The following SYT17 variants were observed in gnomAD, a reference collection of about 807,000 sequenced individuals.
SYT17 encodes the protein synaptotagmin-17.
A neutral mutation model predicts 46.7 loss-of-function variants in SYT17; 22 were observed. That is an observed-to-expected ratio of 0.47 (90% CI 0.34 to 0.67). The LOEUF (loss-of-function observed/expected upper bound fraction) is 0.67, where lower values mean the gene tolerates loss of function less well. Among genes scored for constraint, SYT17 ranks in the 30% least tolerant of loss-of-function variants. The probability of loss-of-function intolerance (pLI) is 0.01; values close to 1 mark genes in which losing one functional copy is unlikely to be tolerated. For synonymous variants in SYT17, 251 were observed against 248.4 expected, an observed-to-expected ratio of 1.01 and a Z score of -0.10; for missense variants, 519 against 612.8, an observed-to-expected ratio of 0.85 and a Z score of 1.62.
At chr16:19,233,965 TAGAG>T (rs1966795005) in intron 7 of SYT17, among the ~76,000 whole-genome samples, 1 of 152,162 alleles carries the variant, frequency 6.6e-6, no homozygotes, top group African/African-American at 2.4e-5. Flanking sequence ...CTCTGCCTAA[TAGAG>T]AGAAGGTTGC....
In SYT17 at chr16:19,234,018, T is replaced by C. The variant is rs140044974; in HGVS notation, c.1228+9180T>C. ...GTATGGATTGGAGTGAGCTACAGTT[T>C]GGTTCAAATTTCACCTTTTGGCCAT... is the stretch of plus-strand genomic sequence containing the variant. On this transcript the variant is annotated intron_variant, in intron 7 of 7. Coordinates refer to ENST00000355377, the MANE Select transcript of SYT17 (RefSeq NM_016524.4). Among the ~76,000 whole-genome samples the C allele has an allele frequency of 3.1e-3, 478 of 152,294 alleles. 5 individuals are homozygous for C. Among genetic ancestry groups the C allele is most frequent in the African/African-American group, 0.011 (443 of 41,558 alleles).
intron 5 of SYT17, among the ~76,000 whole-genome samples, chr16:19,208,028 T>G (rs879444568): frequency 7.2e-5 from 11 of 152,164 alleles, no homozygotes; most frequent in Non-Finnish European, 1.2e-4. Context: ...GAAATAAAGA[T>G]CTTTATGAGC....
At chr16:19,189,399 C>T (rs148812717) in intron 5 of SYT17, among the ~76,000 whole-genome samples, 3 of 144,158 alleles carry the variant, frequency 2.1e-5, no homozygotes, top group Non-Finnish European at 4.5e-5. Context: ...GGATTGCAGT[C>T]GTGTAATCAT....
At chr16:19,229,197 A>G (rs1966596501) in intron 7 of SYT17, among the ~76,000 whole-genome samples, 1 of 152,202 alleles carries the variant, frequency 6.6e-6, no homozygotes, top group African/African-American at 2.4e-5. Flanking sequence ...GAAGGAAAGA[A>G]AGCGTATTAG....
At position 19,183,593 on chromosome 16, in the gene SYT17, A is replaced by AATGG. The variant is rs750608086; in HGVS notation, c.397_398insATGG (p.Ser133AsnfsTer18). On this transcript the variant is annotated frameshift_variant, in exon 5 of 8. Coordinates refer to ENST00000355377, the MANE Select transcript of SYT17 (RefSeq NM_016524.4). LOFTEE classifies it high-confidence loss of function. The surrounding 1 kb of genome is among the most constrained non-coding windows in gnomAD (Gnocchi z 5.6). The stretch of plus-strand genomic sequence containing the variant: ...TAAACCCATCGAGTTTGGCGTTCTC[A>AATGG]GCGCCAAGAAGGAGCCCATCCAACC... 1.2e-6 allele frequency: 2 copies of AATGG among 1,614,160 alleles called. No individual in the cohort carries two copies. Among genetic ancestry groups the AATGG allele is most frequent in the Admixed American group, 3.3e-5 (2 of 60,012 alleles).
rs377415079 is a variant in SYT17 at position 19,173,420 on chromosome 16, A to G, written c.34-10A>G. ...CCCATCCCCCCGCCCACCTCCCCCA[A>G]TGGCCTCAGGGTTTTCTTTCTAGAA... is the stretch of plus-strand genomic sequence containing the variant. On this transcript the variant is annotated splice_polypyrimidine_tract_variant and intron_variant, in intron 2 of 7. Coordinates refer to ENST00000355377, the MANE Select transcript of SYT17 (RefSeq NM_016524.4). The G allele has an allele frequency of 1.9e-4, 144 of 740,080 alleles. No individual in the cohort carries two copies. Among genetic ancestry groups the G allele is most frequent in the African/African-American group, 1.1e-3 (38 of 35,450 alleles). 45.8% of individuals were successfully genotyped at this position (740,080 alleles called of 1,614,324 possible). A position where few individuals can be genotyped will look rare whatever the true frequency, so the allele number is the denominator to read the frequency against.
rs559555694 is a variant in SYT17 at position 19,246,592 on chromosome 16, G to A, written c.1229-20288G>A. ...TGTATGCACTAATATGTGTATATAC[G>A]TACACATATGTGTGTGCGTGGTATG... On this transcript the variant is annotated intron_variant, in intron 7 of 7. Coordinates refer to ENST00000355377, the MANE Select transcript of SYT17 (RefSeq NM_016524.4). Among the ~76,000 whole-genome samples the A allele has an allele frequency of 9.9e-5, 15 of 152,138 alleles. No individual in the cohort carries two copies. In the South Asian group the frequency reaches 1.9e-3, roughly 19 times the overall value.
chr16:19,223,477 C>T (rs899931158), intron 6 of SYT17, among the ~76,000 whole-genome samples: 2 of 152,190 alleles, frequency 1.3e-5, no homozygotes, highest in African/African-American at 4.8e-5. Flanking sequence ...AATCAATGAG[C>T]GTGGAGGACA....
At chr16:19,227,436 C>T (rs1966537353) in intron 7 of SYT17, among the ~76,000 whole-genome samples, 1 of 151,904 alleles carries the variant, frequency 6.6e-6, no homozygotes, top group African/African-American at 2.4e-5. Context: ...GTGCCTCAGC[C>T]TCCTCAGTAC....
At position 19,168,736 on chromosome 16, in the gene SYT17, G is replaced by C. The variant is rs1294808886; in HGVS notation, c.15+75G>C. On this transcript the variant is annotated intron_variant, in intron 1 of 7. Coordinates refer to ENST00000355377, the MANE Select transcript of SYT17 (RefSeq NM_016524.4). The surrounding 1 kb of genome is among the most constrained non-coding windows in gnomAD (Gnocchi z 6.9). ...CGCCCCCTCCGGCTGGGAGCGCGCG[G>C]AAGGGAGGGCCCACGGCTAGGCTCC... 1 of 1,414,668 alleles carries C rather than the reference G, an allele frequency of 7.1e-7. No individual in the cohort carries two copies. Among genetic ancestry groups the C allele is most frequent in the Non-Finnish European group, 9.3e-7 (1 of 1,077,306 alleles). The allele number at this position is 1,414,668 out of a possible 1,614,324, so 87.6% of individuals were successfully genotyped here. A position where few individuals can be genotyped will look rare whatever the true frequency, so the allele number is the denominator to read the frequency against.
chr16:19,215,326 A>T lies in SYT17; in HGVS notation c.952-7719A>T, dbSNP rs74011544. Among the ~76,000 whole-genome samples, 611 of 152,342 alleles carry T rather than the reference A, an allele frequency of 4.0e-3. 6 individuals are homozygous for T. The highest frequency in any genetic ancestry group is 0.014 in the African/African-American group (587 of 41,576). On this transcript the variant is annotated intron_variant, in intron 5 of 7. Transcript: ENST00000355377. ...TCTTTAACACTTAACAACAACAACA[A>T]ACCAGGAATGTAAATGGGTGAAGGT...
chr16:19,168,246 C>G lies in SYT17; in HGVS notation c.-401C>G, dbSNP rs192665492. Reference sequence around the variant, plus strand: ...CCCCTCCCCCGCCTCCTGCGCGCTCCGGCCCCGGCGTCTCCGGCCCCGCCT... The same window carrying G: ...CCCCTCCCCCGCCTCCTGCGCGCTCGGGCCCCGGCGTCTCCGGCCCCGCCT... On this transcript the variant is annotated 5_prime_UTR_variant, in exon 1 of 8. Transcript: ENST00000355377. This position sits in a 1 kb window ranked among gnomAD's most constrained non-coding sequence, Gnocchi z 6.9. 23,424 of 203,338 alleles carry G rather than the reference C, an allele frequency of 0.12. 3,165 individuals are homozygous for G. Among genetic ancestry groups the G allele is most frequent in the African/African-American group, 0.36 (15,041 of 41,882 alleles). The allele number at this position is 203,338 out of a possible 1,614,324, so 12.6% of individuals were successfully genotyped here.
chr16:19,267,019 C>G lies in SYT17; in HGVS notation c.1368C>G (p.Ser456Arg). 6.2e-7 allele frequency: 1 copy of G among 1,613,008 alleles called. No homozygotes were observed. Among genetic ancestry groups the G allele is most frequent in the African/African-American group, 1.3e-5 (1 of 74,722 alleles). ...THRTAVEQWHSLRSRAECDRV... is the reference protein window; with the variant it reads ...THRTAVEQWHRLRSRAECDRV... Reference sequence around the variant, plus strand: ...GCACAGCCGTGGAGCAGTGGCATAGCCTGAGGTCCCGAGCTGAGTGTGACC... The same window carrying G: ...GCACAGCCGTGGAGCAGTGGCATAGGCTGAGGTCCCGAGCTGAGTGTGACC... Residue 456 changes from serine (S) to arginine (R), a missense_variant, in exon 8 of 8, where the codon AGC becomes AGG. Transcript: ENST00000355377.
At chr16:19,260,198 A>G (rs1968863377) in intron 7 of SYT17, among the ~76,000 whole-genome samples, 1 of 151,908 alleles carries the variant, frequency 6.6e-6, no homozygotes, top group Admixed American at 6.6e-5. Flanking sequence ...AGATTTAAAG[A>G]GTCTCTTCTG....
chr16:19,232,970 C>T (rs1966760059), intron 7 of SYT17, among the ~76,000 whole-genome samples: 1 of 152,188 alleles, frequency 6.6e-6, no homozygotes. Flanking sequence ...TGCCCCGTTC[C>T]CAGAACAGAT....
intron 7 of SYT17, among the ~76,000 whole-genome samples, chr16:19,233,060 C>T (rs565835121): frequency 1.3e-5 from 2 of 152,286 alleles, no homozygotes; most frequent in Admixed American, 1.3e-4. Context: ...AGGTGGCTCT[C>T]TTGTGCAGGC....
chr16:19,191,633 C>A (rs1163483142), intron 5 of SYT17, among the ~76,000 whole-genome samples: 3 of 151,878 alleles, frequency 2.0e-5, no homozygotes, highest in South Asian at 2.1e-4. Context: ...GAAATGCATT[C>A]AAAAAAGATA....
chr16:19,188,513 CAAAAAAAAAA>C (rs61202540), intron 5 of SYT17, among the ~76,000 whole-genome samples: 1 of 64,584 alleles, frequency 1.5e-5, no homozygotes, highest in Non-Finnish European at 2.8e-5. Context: ...TTCAGTTCTG[CAAAAAAAAAA>C]AAAAAAAAAA....
At position 19,183,865 on chromosome 16, in the gene SYT17, C is replaced by T; in HGVS notation, c.669C>T (p.Asp223=). The T allele has an allele frequency of 6.2e-7, 1 of 1,614,214 alleles. No individual in the cohort carries two copies. Among genetic ancestry groups the T allele is most frequent in the African/African-American group, 1.3e-5 (1 of 75,054 alleles). Residue 223 remains aspartate (D), a synonymous_variant, in exon 5 of 8, where the codon GAC becomes GAT. Transcript: ENST00000355377. The surrounding 1 kb of genome is among the most constrained non-coding windows in gnomAD (Gnocchi z 5.6). ...PPISHDGSRQ[D]MAHSNPYVKI... ...TCTCCCACGATGGCTCGCGCCAGGACATGGCGCACTCCAACCCCTACGTCA... is the reference window on the plus strand; with the variant it reads ...TCTCCCACGATGGCTCGCGCCAGGATATGGCGCACTCCAACCCCTACGTCA...
Sources: gnomAD v4.1 joint callset for allele counts (sites outside exome capture counted in the v4.1 genomes callset) on GRCh38, gnomAD v4.1.1 for gene constraint, Gnocchi (gnomAD v3.1) non-coding constraint, MANE v1.5 for transcripts, NCBI Gene and HGNC (gene_info 2026-07-23, HGNC 2026-07-21) for gene names.